CCSER1: variants seen among roughly 807,000 people sequenced by gnomAD.
The protein encoded by CCSER1 is serine-rich coiled-coil domain-containing protein 1.
A neutral mutation model predicts 82.0 loss-of-function variants in CCSER1; 41 were observed. The ratio of observed to expected loss-of-function variants is 0.50; its 90% CI spans 0.39 to 0.65. The LOEUF is 0.65. Ranked by LOEUF, CCSER1 falls within the 30% of genes least tolerant of loss-of-function variation. The probability of loss-of-function intolerance (pLI) is 0.00; values close to 1 mark genes in which losing one functional copy is unlikely to be tolerated. For synonymous variants in CCSER1, 414 were observed against 383.9 expected (o/e 1.08, Z -0.92); for missense variants, 1,119 against 1,064.2 (o/e 1.05, Z -0.72).
intron 9 of CCSER1, among the ~76,000 whole-genome samples, chr4:91,080,374 A>G (rs934528501): frequency 2.6e-5 from 4 of 152,222 alleles, no homozygotes; most frequent in Admixed American, 1.3e-4. Context: ...ACCAATGAGA[A>G]CAAAGACACA....
chr4:90,319,512 G>A (rs1006732554), intron 3 of CCSER1, among the ~76,000 whole-genome samples: 10 of 152,056 alleles, frequency 6.6e-5, no homozygotes, highest in African/African-American at 1.2e-4. Context: ...TTAGCCAGGC[G>A]TGGTGGCACG....
At chr4:90,135,254 A>G (rs1723459875) in intron 1 of CCSER1, among the ~76,000 whole-genome samples, 1 of 152,162 alleles carries the variant, frequency 6.6e-6, no homozygotes, top group South Asian at 2.1e-4. Context: ...TATAACTGAA[A>G]CTGATTTCTC....
At chr4:91,594,445 A>G (rs903656034) in intron 10 of CCSER1, among the ~76,000 whole-genome samples, 1 of 148,726 alleles carries the variant, frequency 6.7e-6, no homozygotes, top group African/African-American at 2.5e-5. Flanking sequence ...ACACACATAT[A>G]TACATATATA....
intron 6 of CCSER1, among the ~76,000 whole-genome samples, chr4:90,701,420 T>C (rs910595309): frequency 1.5e-4 from 23 of 152,210 alleles, no homozygotes; most frequent in Non-Finnish European, 2.9e-4. Context: ...GGTAGCGTGA[T>C]GCCTCCAGCT....
intron 10 of CCSER1, among the ~76,000 whole-genome samples, chr4:91,558,490 A>C (rs1481735449): frequency 6.6e-6 from 1 of 151,624 alleles, no homozygotes; most frequent in Non-Finnish European, 1.5e-5. Context: ...CTGATGTCTG[A>C]AATCACAATA....
intron 10 of CCSER1, among the ~76,000 whole-genome samples, chr4:91,438,566 A>C (rs1287378605): frequency 6.6e-6 from 1 of 152,214 alleles, no homozygotes; most frequent in South Asian, 2.1e-4. Flanking sequence ...TACTCTAAAA[A>C]GCAGAGCGCC....
At chr4:90,763,611 AC>A (rs1371353128) in intron 7 of CCSER1, among the ~76,000 whole-genome samples, 1 of 152,154 alleles carries the variant, frequency 6.6e-6, no homozygotes, top group African/African-American at 2.4e-5. Flanking sequence ...GAGCACATCA[AC>A]CATTTAAGTC....
chr4:91,405,383 C>G (rs991897330), intron 10 of CCSER1, among the ~76,000 whole-genome samples: 2 of 152,124 alleles, frequency 1.3e-5, no homozygotes, highest in Non-Finnish European at 2.9e-5. Context: ...CAATACCATT[C>G]AAGACACAGG....
chr4:90,257,323 G>T (rs1011126305), intron 1 of CCSER1, among the ~76,000 whole-genome samples: 1 of 152,052 alleles, frequency 6.6e-6, no homozygotes, highest in South Asian at 2.1e-4. Context: ...CAGGGACCTT[G>T]TATGGTTCTT....
At chr4:91,245,535 T>C (rs532305310) in intron 10 of CCSER1, among the ~76,000 whole-genome samples, 4 of 152,098 alleles carry the variant, frequency 2.6e-5, no homozygotes, top group African/African-American at 9.7e-5. Flanking sequence ...CCTAGAATGA[T>C]ACAACCAATG....
At chr4:91,349,034 A>G (rs1414508429) in intron 10 of CCSER1, among the ~76,000 whole-genome samples, 1 of 151,910 alleles carries the variant, frequency 6.6e-6, no homozygotes, top group Non-Finnish European at 1.5e-5. Context: ...TCAGCCTCCC[A>G]AGTAGGTGGG....
At chr4:90,982,437 G>C (rs758636485) in intron 9 of CCSER1, among the ~76,000 whole-genome samples, 1 of 151,682 alleles carries the variant, frequency 6.6e-6, no homozygotes, top group African/African-American at 2.4e-5. Flanking sequence ...TCAGTCCATA[G>C]CAATATGCAT....
chr4:90,716,493 AT>A (rs1168621064), intron 6 of CCSER1, among the ~76,000 whole-genome samples: 1 of 152,118 alleles, frequency 6.6e-6, no homozygotes, highest in African/African-American at 2.4e-5. Context: ...TTGTTAGCCA[AT>A]TCTAAATTTT....
At chr4:91,481,632 T>G (rs1244549856) in intron 10 of CCSER1, among the ~76,000 whole-genome samples, 1 of 152,196 alleles carries the variant, frequency 6.6e-6, no homozygotes, top group African/African-American at 2.4e-5. Flanking sequence ...TGGGCAACAC[T>G]CTACAAATGA....
intron 3 of CCSER1, among the ~76,000 whole-genome samples, chr4:90,383,024 G>T (rs747344890): frequency 6.6e-6 from 1 of 152,034 alleles, no homozygotes; most frequent in Non-Finnish European, 1.5e-5. Context: ...GCTGCAAAGG[G>T]TGAGTAATAC....
intron 1 of CCSER1, among the ~76,000 whole-genome samples, chr4:90,192,233 G>T (rs777375934): frequency 2.6e-5 from 4 of 151,996 alleles, no homozygotes; most frequent in African/African-American, 7.2e-5. Context: ...CCCCCTTACA[G>T]TAGCCATCAG....
chr4:90,154,191 T>C (rs1289044230), intron 1 of CCSER1, among the ~76,000 whole-genome samples: 1 of 151,900 alleles, frequency 6.6e-6, no homozygotes, highest in Non-Finnish European at 1.5e-5. Context: ...TAGTTTTAGA[T>C]ATGCGGCGTA....
intron 9 of CCSER1, among the ~76,000 whole-genome samples, chr4:91,082,203 G>A (rs979115505): frequency 6.6e-6 from 1 of 152,114 alleles, no homozygotes; most frequent in Admixed American, 6.6e-5. Flanking sequence ...CATGGTACTG[G>A]TACCAAAACA....
intron 5 of CCSER1, among the ~76,000 whole-genome samples, chr4:90,547,868 G>T (rs1203101358): frequency 6.6e-6 from 1 of 152,078 alleles, no homozygotes; most frequent in Non-Finnish European, 1.5e-5. Flanking sequence ...TATGCCATTT[G>T]ATTTATATAA....
Sources: gnomAD v4.1 joint callset for allele counts (sites outside exome capture counted in the v4.1 genomes callset) on GRCh38, gnomAD v4.1.1 for gene constraint, MANE v1.5 for transcripts, NCBI Gene and HGNC (gene_info 2026-07-23, HGNC 2026-07-21) for gene names.